The following PPP1R12B variants were observed in gnomAD, a reference collection of about 807,000 sequenced individuals.
The protein encoded by PPP1R12B is protein phosphatase 1 regulatory subunit 12B, also known as myosin phosphatase target subunit 2.
In PPP1R12B, 76 loss-of-function variants were observed where a neutral mutation model predicts 126.1. That is an observed-to-expected ratio of 0.60 (90% confidence interval 0.50 to 0.73). PPP1R12B has a LOEUF of 0.73. Ranked by LOEUF, PPP1R12B falls within the 30% of genes least tolerant of loss-of-function variation. The probability of loss-of-function intolerance (pLI) is 0.00; values close to 1 mark genes in which losing one functional copy is unlikely to be tolerated. For missense variants in PPP1R12B, 1,052 were observed against 1,205.1 expected (o/e 0.87, Z 1.88); for synonymous variants, 356 against 434.7 (o/e 0.82, Z 2.25).
chr1:202,457,682 A>C (rs1673814157), intron 13 of PPP1R12B, among the ~76,000 whole-genome samples: 1 of 152,206 alleles, frequency 6.6e-6, no homozygotes, highest in Non-Finnish European at 1.5e-5. Flanking sequence ...ATATGTATAG[A>C]TTGCTATGAG....
chr1:202,420,536 A>G (rs528418796), intron 2 of PPP1R12B, among the ~76,000 whole-genome samples: 27 of 152,314 alleles, frequency 1.8e-4, no homozygotes, highest in African/African-American at 6.5e-4. Flanking sequence ...AGTATAGGGC[A>G]CACTTCAATC....
chr1:202,496,966 A>G, intron 18 of PPP1R12B, 144 bp downstream of exon 18: 2 of 774,434 alleles, frequency 2.6e-6, no homozygotes, highest in South Asian at 3.7e-5. Context: ...GAGATGGGGC[A>G]GGTGTTAGTT....
intron 13 of PPP1R12B, among the ~76,000 whole-genome samples, chr1:202,449,500 T>C (rs950193772): frequency 6.6e-6 from 1 of 151,680 alleles, no homozygotes; most frequent in Non-Finnish European, 1.5e-5. Flanking sequence ...ATGGTCTCGA[T>C]CTCCTGACCT....
chr1:202,589,934 A>G lies in PPP1R12B; in HGVS notation c.*9374A>G, dbSNP rs907170737. 5 of 152,234 alleles carry G rather than the reference A, an allele frequency of 3.3e-5. No homozygotes were observed. Among genetic ancestry groups the G allele is most frequent in the Non-Finnish European group, 7.3e-5 (5 of 68,100 alleles). The allele number at this position is 152,234 out of a possible 1,614,324, so 9.4% of individuals were successfully genotyped here. ...CAGGTGCTGGTGTAAACTGACAAAA[A>G]TGGTAGCTGCTGGTCTATCCTCAAG... On this transcript the variant is annotated 3_prime_UTR_variant, in exon 24 of 24. Transcript: ENST00000608999.
At chr1:202,404,168 T>C (rs190179592) in intron 1 of PPP1R12B, among the ~76,000 whole-genome samples, 1 of 152,302 alleles carries the variant, frequency 6.6e-6, no homozygotes, top group African/African-American at 2.4e-5. Context: ...GGTGAGACTC[T>C]TTATCATGGA....
chr1:202,401,329 A>G (rs1665800427), intron 1 of PPP1R12B, among the ~76,000 whole-genome samples: 1 of 145,340 alleles, frequency 6.9e-6, no homozygotes, highest in Non-Finnish European at 1.5e-5. Flanking sequence ...AGCTAGGACT[A>G]CAGTTGTCCA....
intron 13 of PPP1R12B, among the ~76,000 whole-genome samples, chr1:202,483,255 TG>T (rs1271770650): frequency 1.3e-5 from 2 of 151,892 alleles, no homozygotes; most frequent in African/African-American, 4.8e-5. Context: ...TTTAGGATTT[TG>T]TTTTATTTCT....
intron 18 of PPP1R12B, among the ~76,000 whole-genome samples, chr1:202,526,628 A>G (rs1339144931): frequency 2.0e-5 from 3 of 152,204 alleles, no homozygotes; most frequent in Non-Finnish European, 4.4e-5. Flanking sequence ...GAGTGAAGGG[A>G]CATCAAGAGC....
At chr1:202,460,453 C>G (rs1674170144) in intron 13 of PPP1R12B, among the ~76,000 whole-genome samples, 1 of 152,104 alleles carries the variant, frequency 6.6e-6, no homozygotes, top group Non-Finnish European at 1.5e-5. Context: ...AGAATTTAAA[C>G]TCTGAGTTAT....
chr1:202,573,215 T>G (rs1262349209), intron 23 of PPP1R12B, among the ~76,000 whole-genome samples: 1 of 152,176 alleles, frequency 6.6e-6, no homozygotes, highest in Non-Finnish European at 1.5e-5. Context: ...ATCTCCCTCC[T>G]CTATCCTCAC....
At chr1:202,353,557 C>T (rs1421116464) in intron 1 of PPP1R12B, among the ~76,000 whole-genome samples, 1 of 144,932 alleles carries the variant, frequency 6.9e-6, no homozygotes, top group Non-Finnish European at 1.5e-5. Flanking sequence ...TTCATTTGTT[C>T]CGCAGAATTT....
chr1:202,537,760 A>G (rs989008222), intron 18 of PPP1R12B, among the ~76,000 whole-genome samples: 5 of 152,200 alleles, frequency 3.3e-5, no homozygotes, highest in African/African-American at 1.2e-4. Flanking sequence ...GGAATAATGT[A>G]AACCGGTGAC....
intron 8 of PPP1R12B, among the ~76,000 whole-genome samples, 175 bp downstream of exon 8, chr1:202,431,794 T>C (rs1670222901): frequency 6.6e-6 from 1 of 152,202 alleles, no homozygotes; most frequent in African/African-American, 2.4e-5. Context: ...GTGAGCTATG[T>C]TAGACTATAT....
intron 23 of PPP1R12B, among the ~76,000 whole-genome samples, chr1:202,578,925 G>C (rs1036209204): frequency 6.6e-6 from 1 of 152,272 alleles, no homozygotes; most frequent in Admixed American, 6.5e-5. Context: ...TCCATCCCAC[G>C]TGTAATAAAA....
At chr1:202,441,815 T>C (rs762273640) in intron 11 of PPP1R12B, among the ~76,000 whole-genome samples, 51 of 152,136 alleles carry the variant, frequency 3.4e-4, no homozygotes, top group Non-Finnish European at 4.6e-4. Flanking sequence ...TCTGCTTAAC[T>C]TAAAAGCCAC....
At chr1:202,382,331 G>A (rs1417610472) in intron 1 of PPP1R12B, among the ~76,000 whole-genome samples, 1 of 151,162 alleles carries the variant, frequency 6.6e-6, no homozygotes, top group Non-Finnish European at 1.5e-5. Flanking sequence ...GAAATGATGA[G>A]TTAATGGGTG....
rs139329641 is a variant in PPP1R12B at position 202,528,724 on chromosome 1, G to GT, written c.2491-30143dup. On this transcript the variant is annotated intron_variant, in intron 18 of 23. Coordinates refer to ENST00000608999, the MANE Select transcript of PPP1R12B (RefSeq NM_002481.4). ...TGAGTTATTATGTAGGGACTGAAAG[G>GT]TTTTTTTTTTGTTTTTGTTTTTGTT... Among the ~76,000 whole-genome samples, 1,211 of 146,910 alleles carry GT rather than the reference G, an allele frequency of 8.2e-3. 12 individuals carry two copies. The highest frequency in any genetic ancestry group is 0.025 in the African/African-American group (1,019 of 40,042).
intron 22 of PPP1R12B, among the ~76,000 whole-genome samples, 158 bp downstream of exon 22, chr1:202,567,989 C>T (rs1365474803): frequency 6.6e-6 from 1 of 152,146 alleles, no homozygotes. Context: ...TTTTGTCTGA[C>T]TCTAGGCAGT....
intron 18 of PPP1R12B, among the ~76,000 whole-genome samples, chr1:202,526,867 T>A (rs1349242817): frequency 6.6e-6 from 1 of 152,174 alleles, no homozygotes; most frequent in African/African-American, 2.4e-5. Context: ...GTAATTATAA[T>A]GAGAATTACA....
Sources: allele counts gnomAD v4.1 joint callset (sites outside exome capture counted in the v4.1 genomes callset), GRCh38; gene constraint gnomAD v4.1.1; transcripts MANE v1.5; gene names NCBI Gene and HGNC (gene_info 2026-07-23, HGNC 2026-07-21).